DGKB: variants seen among roughly 807,000 people sequenced by gnomAD.
The protein encoded by DGKB is 90 kDa diacylglycerol kinase.
DGKB carries 67 observed loss-of-function variants against 114.3 expected under a neutral mutation model. The ratio of observed to expected loss-of-function variants is 0.59; its 90% CI spans 0.48 to 0.72. The LOEUF is 0.72. Among genes scored for constraint, DGKB ranks in the 30% least tolerant of loss-of-function variants. The pLI is 0.00. For missense variants in DGKB, 907 were observed against 975.2 expected, an observed-to-expected ratio of 0.93 and a Z score of 0.93; for synonymous variants, 398 against 323.1, an observed-to-expected ratio of 1.23 and a Z score of -2.49.
chr7:14,579,990 T>G (rs146124289), intron 19 of DGKB, among the ~76,000 whole-genome samples: 2 of 152,328 alleles, frequency 1.3e-5, no homozygotes, highest in African/African-American at 4.8e-5. Context: ...TACCAAAGTC[T>G]GATGGTGTTT....
At chr7:14,420,274 A>G (rs961185286) in intron 21 of DGKB, among the ~76,000 whole-genome samples, 2 of 151,864 alleles carry the variant, frequency 1.3e-5, no homozygotes, top group Non-Finnish European at 2.9e-5. Context: ...TCAAGTGGTA[A>G]TATTTTCATT....
chr7:14,726,264 C>G (rs905950775), intron 5 of DGKB, among the ~76,000 whole-genome samples: 3 of 152,132 alleles, frequency 2.0e-5, no homozygotes, highest in Admixed American at 2.0e-4. Flanking sequence ...CTCAGCCTCC[C>G]AGGTAGCTGG....
chr7:14,755,014 A>G (rs1448888166), intron 3 of DGKB, among the ~76,000 whole-genome samples: 1 of 152,182 alleles, frequency 6.6e-6, no homozygotes, highest in Non-Finnish European at 1.5e-5. Context: ...CTAGCTGGTG[A>G]ATCTTGGACA....
chr7:14,680,246 C>T (rs1029181798), intron 12 of DGKB, among the ~76,000 whole-genome samples: 5 of 151,612 alleles, frequency 3.3e-5, no homozygotes, highest in East Asian at 1.9e-4. Context: ...TAATTTTGAA[C>T]TTGGGGATTT....
At chr7:14,837,237 G>C (rs946461061) in intron 2 of DGKB, among the ~76,000 whole-genome samples, 2 of 152,166 alleles carry the variant, frequency 1.3e-5, no homozygotes, top group African/African-American at 2.4e-5. Flanking sequence ...TACTGTGCCA[G>C]TATCACCCTA....
intron 21 of DGKB, among the ~76,000 whole-genome samples, chr7:14,466,557 T>C (rs563331351): frequency 6.6e-6 from 1 of 152,144 alleles, no homozygotes; most frequent in South Asian, 2.1e-4. Flanking sequence ...GAGTGTAATT[T>C]ACTAATCACA....
At chr7:14,206,378 G>T (rs1786822430) in intron 23 of DGKB, among the ~76,000 whole-genome samples, 1 of 152,022 alleles carries the variant, frequency 6.6e-6, no homozygotes, top group Non-Finnish European at 1.5e-5. Flanking sequence ...GGAGGTGATG[G>T]TGGTTTCAGG....
At chr7:14,448,917 A>T (rs1831086400) in intron 21 of DGKB, among the ~76,000 whole-genome samples, 1 of 152,086 alleles carries the variant, frequency 6.6e-6, no homozygotes, top group African/African-American at 2.4e-5. Flanking sequence ...AAAGACTAAG[A>T]ACAGAATTCA....
chr7:14,752,438 T>G (rs1834270891), intron 4 of DGKB, among the ~76,000 whole-genome samples: 1 of 152,124 alleles, frequency 6.6e-6, no homozygotes, highest in South Asian at 2.1e-4. Context: ...TGTGGAGTTA[T>G]GAAAGCGTAA....
At chr7:14,611,123 C>T (rs994004403) in intron 16 of DGKB, among the ~76,000 whole-genome samples, 2 of 152,082 alleles carry the variant, frequency 1.3e-5, no homozygotes, top group African/African-American at 2.4e-5. Context: ...ATATAATAAC[C>T]TATAAAGAAG....
In DGKB at chr7:14,145,794, C is replaced by T. The variant is rs993791520; in HGVS notation, c.*3337G>A. The T allele has an allele frequency of 2.6e-5, 4 of 152,208 alleles. No homozygotes were observed. The highest frequency in any genetic ancestry group is 1.9e-4 in the East Asian group (1 of 5,168). 9.4% of individuals were successfully genotyped at this position (152,208 alleles called of 1,614,324 possible). A position where few individuals can be genotyped will look rare whatever the true frequency, so the allele number is the denominator to read the frequency against. Reference sequence around the variant, plus strand: ...TTATAACCAATGAACAACAAACTAACGTTGACACAAAAAGGAAAAGAATGA... The same window carrying T: ...TTATAACCAATGAACAACAAACTAATGTTGACACAAAAAGGAAAAGAATGA... On this transcript the variant is annotated 3_prime_UTR_variant, in exon 26 of 26. Coordinates refer to ENST00000402815, the MANE Select transcript of DGKB (RefSeq NM_001350709.2).
intron 1 of DGKB, among the ~76,000 whole-genome samples, chr7:14,920,076 A>G (rs1474215247): frequency 6.6e-6 from 1 of 152,210 alleles, no homozygotes; most frequent in Non-Finnish European, 1.5e-5. Context: ...ATGACATAGA[A>G]AATCTAGGTA....
At chr7:14,242,361 G>A (rs1417483921) in intron 23 of DGKB, among the ~76,000 whole-genome samples, 1 of 152,172 alleles carries the variant, frequency 6.6e-6, no homozygotes, top group Non-Finnish European at 1.5e-5. Flanking sequence ...GACCTCCTGT[G>A]TGACTTTCTG....
At chr7:14,270,320 G>A (rs1000329372) in intron 23 of DGKB, among the ~76,000 whole-genome samples, 4 of 152,102 alleles carry the variant, frequency 2.6e-5, no homozygotes, top group Non-Finnish European at 5.9e-5. Flanking sequence ...TTTCTGCTCT[G>A]TCACAATGTT....
At chr7:14,202,276 A>G (rs1366858417) in intron 23 of DGKB, among the ~76,000 whole-genome samples, 1 of 152,040 alleles carries the variant, frequency 6.6e-6, no homozygotes, top group African/African-American at 2.4e-5. Flanking sequence ...GGAGGAAAGA[A>G]GTCAGAGAAG....
intron 1 of DGKB, among the ~76,000 whole-genome samples, chr7:14,951,535 G>A (rs1459937499): frequency 6.6e-6 from 1 of 151,978 alleles, no homozygotes; most frequent in Non-Finnish European, 1.5e-5. Flanking sequence ...TCGAGGCACA[G>A]GAAGTTGTTA....
At chr7:14,368,975 G>A (rs528708390) in intron 21 of DGKB, among the ~76,000 whole-genome samples, 2 of 151,870 alleles carry the variant, frequency 1.3e-5, no homozygotes. Flanking sequence ...AGAAGGTGCA[G>A]GTTTGTTACA....
At chr7:14,526,195 T>C (rs1790615077) in intron 20 of DGKB, among the ~76,000 whole-genome samples, 1 of 152,154 alleles carries the variant, frequency 6.6e-6, no homozygotes, top group African/African-American at 2.4e-5. Context: ...CTCATTCATT[T>C]AAATCAGGTT....
chr7:14,185,822 A>G (rs540941942), intron 23 of DGKB, among the ~76,000 whole-genome samples: 1 of 152,352 alleles, frequency 6.6e-6, no homozygotes, highest in South Asian at 2.1e-4. Flanking sequence ...CACATCTAGA[A>G]GAATAAAACT....
Sources: allele counts gnomAD v4.1 joint callset (sites outside exome capture counted in the v4.1 genomes callset), GRCh38; gene constraint gnomAD v4.1.1; transcripts MANE v1.5; gene names NCBI Gene and HGNC (gene_info 2026-07-23, HGNC 2026-07-21).